EYA2: variants seen among roughly 807,000 people sequenced by gnomAD.
EYA2 encodes protein phosphatase EYA2.
A neutral mutation model predicts 69.2 loss-of-function variants in EYA2; 31 were observed. That is an observed-to-expected ratio of 0.45 (90% CI 0.34 to 0.60). The LOEUF (loss-of-function observed/expected upper bound fraction) is 0.60, where lower values mean the gene tolerates loss of function less well. Among genes scored for constraint, EYA2 ranks in the 20% least tolerant of loss-of-function variants. The pLI is 0.02. For synonymous variants in EYA2, 257 were observed against 279.4 expected, an observed-to-expected ratio of 0.92 and a Z score of 0.80; for missense variants, 622 against 701.2, an observed-to-expected ratio of 0.89 and a Z score of 1.28.
chr20:47,060,212 C>T (rs973135340), intron 5 of EYA2, among the ~76,000 whole-genome samples: 15 of 152,224 alleles, frequency 9.9e-5, no homozygotes, highest in African/African-American at 3.4e-4. Flanking sequence ...ACTATAATCA[C>T]GTTCATTGTG....
At chr20:47,043,973 C>T (rs948554839) in intron 5 of EYA2, among the ~76,000 whole-genome samples, 3 of 152,146 alleles carry the variant, frequency 2.0e-5, no homozygotes, top group African/African-American at 7.2e-5. Context: ...TCCAGGTTGT[C>T]CAGTAATAGA....
At chr20:47,142,154 TA>T (rs1323030207) in intron 9 of EYA2, among the ~76,000 whole-genome samples, 2 of 152,192 alleles carry the variant, frequency 1.3e-5, no homozygotes, top group Non-Finnish European at 2.9e-5. Context: ...ACTGATTTTC[TA>T]AAAAAATGTA....
chr20:47,020,686 C>T lies in EYA2; in HGVS notation c.415+4389C>T, dbSNP rs138487029. Among the ~76,000 whole-genome samples the T allele has an allele frequency of 1.6e-3, 243 of 152,278 alleles. 1 individual carries two copies. The highest frequency in any genetic ancestry group is 5.6e-3 in the African/African-American group (234 of 41,550). ...GGACCTGGCCTGTGGTCAGTCCTGG[C>T]AGTACCCCACACACAATGGCATGAG... On this transcript the variant is annotated intron_variant, in intron 5 of 15. Coordinates refer to ENST00000327619, the MANE Select transcript of EYA2 (RefSeq NM_005244.5).
At chr20:47,052,016 G>C (rs2030364972) in intron 5 of EYA2, among the ~76,000 whole-genome samples, 1 of 152,096 alleles carries the variant, frequency 6.6e-6, no homozygotes. Context: ...CCAGGTTCCA[G>C]CTGGAAATAG....
chr20:46,904,609 A>G (rs1266961083), intron 1 of EYA2, among the ~76,000 whole-genome samples: 1 of 152,154 alleles, frequency 6.6e-6, no homozygotes, highest in African/African-American at 2.4e-5. Flanking sequence ...AAGGAAAAAA[A>G]TGAGGTTCTT....
chr20:46,916,956 A>G (rs1404234271), intron 1 of EYA2, among the ~76,000 whole-genome samples: 2 of 152,240 alleles, frequency 1.3e-5, no homozygotes, highest in African/African-American at 2.4e-5. Flanking sequence ...TACATAAATT[A>G]GTAGTATTTC....
intron 9 of EYA2, among the ~76,000 whole-genome samples, chr20:47,119,440 A>G (rs910320202): frequency 3.9e-5 from 6 of 152,222 alleles, no homozygotes; most frequent in East Asian, 1.9e-4. Flanking sequence ...ATGACCATCA[A>G]TGGATGAATG....
At chr20:47,114,001 A>T (rs777919140) in intron 9 of EYA2, among the ~76,000 whole-genome samples, 1 of 152,070 alleles carries the variant, frequency 6.6e-6, no homozygotes, top group Non-Finnish European at 1.5e-5. Flanking sequence ...CTTTTTAGTG[A>T]CCATCCACAC....
chr20:46,974,227 A>G (rs976640958), intron 1 of EYA2, among the ~76,000 whole-genome samples: 2 of 152,206 alleles, frequency 1.3e-5, no homozygotes, highest in Non-Finnish European at 2.9e-5. Context: ...TTTCACTTTC[A>G]TGGTGGTCAG....
At chr20:47,117,600 G>A in intron 9 of EYA2, 1 of 984,604 alleles carries the variant, frequency 1.0e-6, no homozygotes, top group Non-Finnish European at 1.2e-6. Context: ...GTTGGCGATA[G>A]GCGGCTTGGC....
intron 1 of EYA2, among the ~76,000 whole-genome samples, chr20:46,943,114 ACT>A (rs1233595199): frequency 6.6e-6 from 1 of 152,058 alleles, no homozygotes; most frequent in Non-Finnish European, 1.5e-5. Flanking sequence ...ACCAGGAGTG[ACT>A]CTGCCCCCGA....
rs752737822 is a variant in EYA2 at position 47,074,304 on chromosome 20, C to T, written c.630C>T (p.Asn210=). ...ACGTCCTCCAGGAGGCATCTCACAA[C>T]GTCCCCAACCAGAGTTCCGAGTCAC... ...STYVLQEASH[N]VPNQSSESLA... Residue 210 remains asparagine, a synonymous_variant, in exon 7 of 16, where the codon AAC becomes AAT. Transcript: ENST00000327619. 33 of 1,613,964 alleles carry T rather than the reference C, an allele frequency of 2.0e-5. No homozygotes were observed. Among genetic ancestry groups the T allele is most frequent in the Middle Eastern group, 1.6e-4 (1 of 6,082 alleles).
rs371678825 is a variant in EYA2 at position 47,016,308 on chromosome 20, C to T, written c.415+11C>T. 4.5e-5 allele frequency: 72 copies of T among 1,596,876 alleles called. 1 individual carries two copies. The highest frequency in any genetic ancestry group is 8.3e-5 in the Admixed American group (5 of 59,978). On this transcript the variant is annotated intron_variant, in intron 5 of 15. Coordinates refer to ENST00000327619, the MANE Select transcript of EYA2 (RefSeq NM_005244.5). The stretch of plus-strand genomic sequence containing the variant: ...CCTACCAGATGCACGGTCAGTGTGG[C>T]GCTGTGGCCCCTTCCTGCCCATCTC...
intron 1 of EYA2, chr20:46,901,151 G>C (rs2146210866): frequency 6.6e-6 from 1 of 152,240 alleles, no homozygotes; most frequent in East Asian, 1.9e-4. Flanking sequence ...TGAAATTCTG[G>C]TCTCCTCCCC....
At chr20:47,165,902 C>T (rs3091956) in intron 10 of EYA2, among the ~76,000 whole-genome samples, 90,248 of 151,856 alleles carry the variant, frequency 0.59, 27,720 homozygotes, top group African/African-American at 0.75. Flanking sequence ...GACTACCTTA[C>T]GTATCTTTTA....
At chr20:47,147,121 G>A (rs955173044) in intron 10 of EYA2, among the ~76,000 whole-genome samples, 1 of 142,140 alleles carries the variant, frequency 7.0e-6, no homozygotes, top group Non-Finnish European at 1.5e-5. Flanking sequence ...CGATCTTGTC[G>A]CACTGCAACC....
At chr20:46,978,610 C>T in intron 1 of EYA2, 1 of 534,762 alleles carries the variant, frequency 1.9e-6, no homozygotes, top group South Asian at 1.4e-5. Context: ...CAATGGAAAG[C>T]CGTCAGAGGT....
intron 12 of EYA2, among the ~76,000 whole-genome samples, chr20:47,174,341 C>T (rs1213443739): frequency 6.6e-6 from 1 of 152,138 alleles, no homozygotes; most frequent in Non-Finnish European, 1.5e-5. Context: ...TCTTAATGAG[C>T]CTTAGTCTTT....
chr20:47,092,834 G>A (rs1389386102), intron 8 of EYA2, among the ~76,000 whole-genome samples: 1 of 152,142 alleles, frequency 6.6e-6, no homozygotes, highest in Non-Finnish European at 1.5e-5. Context: ...TTAAGTCTTT[G>A]GCTGTTTTGC....
Sources: gnomAD v4.1 joint callset for allele counts (sites outside exome capture counted in the v4.1 genomes callset) on GRCh38, gnomAD v4.1.1 for gene constraint, MANE v1.5 for transcripts, NCBI Gene and HGNC (gene_info 2026-07-23, HGNC 2026-07-21) for gene names.